Variants in FHIT observed in about 807,000 individuals in gnomAD.
FHIT encodes fragile histidine triad diadenosine triphosphatase.
A neutral mutation model predicts 17.9 loss-of-function variants in FHIT; 19 were observed. The ratio of observed to expected loss-of-function variants is 1.06; its 90% confidence interval spans 0.74 to 1.56. FHIT has a LOEUF of 1.56. FHIT is among the 40% of genes most tolerant of loss of function. The pLI is 0.00. For missense variants in FHIT, 248 were observed against 189.2 expected (o/e 1.31, Z -1.82); for synonymous variants, 81 against 69.7 (o/e 1.16, Z -0.81).
intron 4 of FHIT, among the ~76,000 whole-genome samples, chr3:60,621,589 GA>G (rs36077598): frequency 0.014 from 2,102 of 147,778 alleles, 58 homozygotes; most frequent in African/African-American, 0.05. Context: ...AGCATTATGT[GA>G]AAAAAAAAAG....
chr3:60,440,973 G>T lies in FHIT; in HGVS notation c.103+95887C>A, dbSNP rs187555142. Reference sequence around the variant, plus strand: ...CAACCCAGCAAGAGAAATGTATTATGAACTTGTGTGATATAATAACAAGTT... The same window carrying T: ...CAACCCAGCAAGAGAAATGTATTATTAACTTGTGTGATATAATAACAAGTT... On this transcript the variant is annotated intron_variant, in intron 5 of 9. Transcript: ENST00000492590. 2.6e-4 allele frequency among the ~76,000 whole-genome samples: 39 copies of T among 152,174 alleles called. 1 individual carries two copies. In the Middle Eastern group the frequency reaches 0.01, roughly 40 times the overall value.
At chr3:60,405,682 T>A (rs975695160) in intron 5 of FHIT, among the ~76,000 whole-genome samples, 1 of 152,034 alleles carries the variant, frequency 6.6e-6, no homozygotes, top group East Asian at 1.9e-4. Context: ...CCAAGAAAAA[T>A]CCTGCATACC....
At chr3:60,298,690 C>A (rs752838286) in intron 5 of FHIT, among the ~76,000 whole-genome samples, 1 of 152,146 alleles carries the variant, frequency 6.6e-6, no homozygotes, top group Non-Finnish European at 1.5e-5. Context: ...AATTTCACCA[C>A]ATGCTTTTTC....
chr3:61,035,722 C>T (rs1216936714), intron 3 of FHIT, among the ~76,000 whole-genome samples: 3 of 152,124 alleles, frequency 2.0e-5, no homozygotes, highest in African/African-American at 7.2e-5. Context: ...GACATAACAT[C>T]TCCTTTTAAA....
intron 4 of FHIT, among the ~76,000 whole-genome samples, chr3:60,607,623 C>A (rs183604441): frequency 3.3e-5 from 5 of 151,956 alleles, no homozygotes; most frequent in Non-Finnish European, 5.9e-5. Context: ...ACACCACATG[C>A]GTGATAGATG....
At chr3:60,328,930 T>C (rs1466122930) in intron 5 of FHIT, among the ~76,000 whole-genome samples, 2 of 152,192 alleles carry the variant, frequency 1.3e-5, no homozygotes, top group African/African-American at 2.4e-5. Context: ...TGGATAACCA[T>C]AGCATGATTA....
At chr3:60,991,614 TC>T (rs1180374777) in intron 3 of FHIT, among the ~76,000 whole-genome samples, 2 of 152,144 alleles carry the variant, frequency 1.3e-5, no homozygotes, top group Non-Finnish European at 2.9e-5. Flanking sequence ...TAGGTTTGAA[TC>T]CTTGCTCTGC....
chr3:60,960,445 T>A (rs1282734475), intron 3 of FHIT, among the ~76,000 whole-genome samples: 2 of 152,244 alleles, frequency 1.3e-5, no homozygotes, highest in African/African-American at 4.8e-5. Context: ...TATTACACTT[T>A]AAGTTCTAGG....
At chr3:60,961,660 T>C (rs1553780903) in intron 3 of FHIT, among the ~76,000 whole-genome samples, 1 of 152,216 alleles carries the variant, frequency 6.6e-6, no homozygotes, top group Non-Finnish European at 1.5e-5. Context: ...TAGCCAGTTT[T>C]CCCAGCACCA....
At chr3:60,746,168 T>C (rs2042352042) in intron 4 of FHIT, among the ~76,000 whole-genome samples, 1 of 152,198 alleles carries the variant, frequency 6.6e-6, no homozygotes, top group African/African-American at 2.4e-5. Flanking sequence ...CAATCTTTGT[T>C]ATCGCTTGAA....
chr3:60,474,837 G>A (rs1200652171), intron 5 of FHIT, among the ~76,000 whole-genome samples: 1 of 152,062 alleles, frequency 6.6e-6, no homozygotes, highest in Non-Finnish European at 1.5e-5. Flanking sequence ...TGCTCAGGCT[G>A]TTCTCAAACT....
At chr3:60,251,671 C>A (rs1472698057) in intron 5 of FHIT, among the ~76,000 whole-genome samples, 1 of 152,190 alleles carries the variant, frequency 6.6e-6, no homozygotes, top group Non-Finnish European at 1.5e-5. Context: ...TGACCCAGTA[C>A]AGGCACTTCT....
At chr3:61,080,372 A>G (rs543529048) in intron 2 of FHIT, among the ~76,000 whole-genome samples, 67 of 152,164 alleles carry the variant, frequency 4.4e-4, no homozygotes, top group Non-Finnish European at 8.1e-4. Flanking sequence ...CTTTGCCCTC[A>G]GAATTATTAG....
At chr3:61,136,421 C>A (rs142684212) in intron 2 of FHIT, among the ~76,000 whole-genome samples, 15 of 152,048 alleles carry the variant, frequency 9.9e-5, no homozygotes, top group Non-Finnish European at 1.9e-4. Context: ...AAACAGCTTT[C>A]GGGGTGCTTG....
At chr3:61,133,901 A>C (rs2106964780) in intron 2 of FHIT, among the ~76,000 whole-genome samples, 1 of 152,246 alleles carries the variant, frequency 6.6e-6, no homozygotes, top group East Asian at 1.9e-4. Context: ...AGCCTAGCTA[A>C]CACGGTGAAA....
intron 2 of FHIT, among the ~76,000 whole-genome samples, chr3:61,055,708 T>C (rs372234032): frequency 3.9e-5 from 6 of 152,214 alleles, no homozygotes; most frequent in African/African-American, 9.6e-5. Flanking sequence ...GGAGAAGAGA[T>C]AAAAGTGAAG....
intron 8 of FHIT, among the ~76,000 whole-genome samples, chr3:59,908,731 G>A (rs967419857): frequency 2.0e-5 from 3 of 151,908 alleles, no homozygotes; most frequent in Non-Finnish European, 4.4e-5. Flanking sequence ...TTACAGGCCT[G>A]AACTGACAGA....
chr3:60,360,699 TTCAAAATCAATATGGCCAAAG>T (rs1209073255), intron 5 of FHIT, among the ~76,000 whole-genome samples: 3 of 152,164 alleles, frequency 2.0e-5, no homozygotes, highest in Admixed American at 6.5e-5. Context: ...TGTTCTTTAA[TTCAAAATCAATATGGCCAAAG>T]CCAAATTCAC....
intron 7 of FHIT, among the ~76,000 whole-genome samples, chr3:60,001,501 C>T (rs1699727800): frequency 6.6e-6 from 1 of 152,098 alleles, no homozygotes; most frequent in African/African-American, 2.4e-5. Context: ...TACTCATTTC[C>T]TGGAAGGGAG....
Sources: allele counts gnomAD v4.1 joint callset (sites outside exome capture counted in the v4.1 genomes callset), GRCh38; gene constraint gnomAD v4.1.1; transcripts MANE v1.5; gene names NCBI Gene and HGNC (gene_info 2026-07-23, HGNC 2026-07-21).